KCNIP4: variants seen among roughly 807,000 people sequenced by gnomAD.
The protein encoded by KCNIP4 is potassium voltage-gated channel interacting protein 4.
KCNIP4 carries 12 observed loss-of-function variants against 34.0 expected under a neutral mutation model. That is an observed-to-expected ratio of 0.35 (90% CI 0.23 to 0.57). KCNIP4 has a LOEUF of 0.57. Among genes scored for constraint, KCNIP4 ranks in the 20% least tolerant of loss-of-function variants. The pLI is 0.83. For synonymous variants in KCNIP4, 124 were observed against 102.2 expected (o/e 1.21, Z -1.29); for missense variants, 238 against 311.7 (o/e 0.76, Z 1.78).
intron 1 of KCNIP4, among the ~76,000 whole-genome samples, chr4:20,889,953 A>G (rs1043334964): frequency 6.6e-6 from 1 of 152,132 alleles, no homozygotes; most frequent in Non-Finnish European, 1.5e-5. Context: ...TGTACATATT[A>G]TAAGCATTAT....
chr4:20,754,810 A>C (rs1754228489), intron 4 of KCNIP4, among the ~76,000 whole-genome samples: 1 of 152,150 alleles, frequency 6.6e-6, no homozygotes, highest in Admixed American at 6.5e-5. Flanking sequence ...TAAAGATATA[A>C]TTTTAATGTG....
intron 1 of KCNIP4, among the ~76,000 whole-genome samples, chr4:21,360,756 C>T (rs138061232): frequency 2.6e-5 from 4 of 152,098 alleles, no homozygotes; most frequent in African/African-American, 4.8e-5. Context: ...TTCATAAAAA[C>T]GTAGGTGAAA....
chr4:20,807,513 C>T (rs1484347594), intron 3 of KCNIP4, among the ~76,000 whole-genome samples: 15 of 151,942 alleles, frequency 9.9e-5, no homozygotes, highest in African/African-American at 4.8e-5. Flanking sequence ...AAGAATATGC[C>T]TCAGAGACAT....
chr4:21,752,452 C>T lies in KCNIP4; in HGVS notation c.61+196119G>A, dbSNP rs185609245. Among the ~76,000 whole-genome samples the T allele has an allele frequency of 3.4e-3, 513 of 152,174 alleles. 2 individuals carry two copies. Among genetic ancestry groups the T allele is most frequent in the Middle Eastern group, 6.8e-3 (2 of 294 alleles). On this transcript the variant is annotated intron_variant, in intron 1 of 8. Transcript: ENST00000382152. Reference sequence around the variant, plus strand: ...AGAGCTCACTTCACTACCAGGAGAACAGCATGGGGCACACTACCCCCGTAA... The same window carrying T: ...AGAGCTCACTTCACTACCAGGAGAATAGCATGGGGCACACTACCCCCGTAA...
intron 1 of KCNIP4, among the ~76,000 whole-genome samples, chr4:21,032,538 T>C (rs1412507162): frequency 2.0e-5 from 3 of 152,146 alleles, no homozygotes; most frequent in African/African-American, 7.2e-5. Context: ...TATATTTCTT[T>C]GTATAAACTT....
intron 1 of KCNIP4, among the ~76,000 whole-genome samples, chr4:21,352,522 T>TGCTA (rs1411594450): frequency 5.3e-5 from 8 of 152,220 alleles, no homozygotes; most frequent in South Asian, 4.1e-4. Context: ...CCTTGCTCAC[T>TGCTA]GCTAGCGCAG....
intron 1 of KCNIP4, among the ~76,000 whole-genome samples, chr4:21,784,943 C>T (rs1719801525): frequency 6.6e-6 from 1 of 152,172 alleles, no homozygotes; most frequent in African/African-American, 2.4e-5. Flanking sequence ...GTCTTTTAAG[C>T]TAAAATAGCT....
chr4:21,155,980 T>G (rs1291037381), intron 1 of KCNIP4, among the ~76,000 whole-genome samples: 1 of 152,178 alleles, frequency 6.6e-6, no homozygotes, highest in African/African-American at 2.4e-5. Flanking sequence ...GACACAACTT[T>G]ATACCACTTA....
intron 1 of KCNIP4, among the ~76,000 whole-genome samples, chr4:21,483,665 C>T (rs923971418): frequency 6.6e-6 from 1 of 152,072 alleles, no homozygotes; most frequent in East Asian, 1.9e-4. Context: ...TGGCACGCAC[C>T]TGTAATCCCA....
In KCNIP4 at chr4:21,796,143, A is replaced by G. The variant is rs116307372; in HGVS notation, c.61+152428T>C. Among the ~76,000 whole-genome samples the G allele has an allele frequency of 1.3e-3, 205 of 152,272 alleles. 1 individual carries two copies. The highest frequency in any genetic ancestry group is 4.6e-3 in the African/African-American group (193 of 41,544). ...TGGTTTAGCTCTTATATAACATCACATTACACTATTTAAAGCAAGTTTTGT... is the reference window on the plus strand; with the variant it reads ...TGGTTTAGCTCTTATATAACATCACGTTACACTATTTAAAGCAAGTTTTGT... On this transcript the variant is annotated intron_variant, in intron 1 of 8. Coordinates refer to ENST00000382152, the MANE Select transcript of KCNIP4 (RefSeq NM_025221.6).
chr4:21,562,312 G>A (rs193259652), intron 1 of KCNIP4, among the ~76,000 whole-genome samples: 24 of 152,070 alleles, frequency 1.6e-4, no homozygotes, highest in African/African-American at 4.3e-4. Flanking sequence ...CAGAATGAAT[G>A]CTTAGAGTTT....
rs74868935 is a variant in KCNIP4 at position 21,502,056 on chromosome 4, A to G, written c.61+446515T>C. On this transcript the variant is annotated intron_variant, in intron 1 of 8. Coordinates refer to ENST00000382152, the MANE Select transcript of KCNIP4 (RefSeq NM_025221.6). Reference sequence around the variant, plus strand: ...TCACCCAATGCAGGCAGCTTGCTAAAGGATATAACTCTAATTATGGTTTCG... The same window carrying G: ...TCACCCAATGCAGGCAGCTTGCTAAGGGATATAACTCTAATTATGGTTTCG... Among the ~76,000 whole-genome samples, 1,299 of 151,816 alleles carry G rather than the reference A, an allele frequency of 8.6e-3. 23 individuals are homozygous for G. The highest frequency in any genetic ancestry group is 0.029 in the African/African-American group (1,190 of 41,408).
intron 1 of KCNIP4, among the ~76,000 whole-genome samples, chr4:21,675,369 C>T (rs903651360): frequency 6.6e-6 from 1 of 151,922 alleles, no homozygotes; most frequent in Non-Finnish European, 1.5e-5. Flanking sequence ...TGAATAAGAC[C>T]TACTATTTGA....
chr4:21,683,834 G>A (rs868821481), intron 1 of KCNIP4, among the ~76,000 whole-genome samples: 42 of 152,058 alleles, frequency 2.8e-4, no homozygotes, highest in Admixed American at 2.6e-4. Context: ...AACTAACGCA[G>A]GAACAGAAAA....
chr4:21,550,913 C>T (rs536714574), intron 1 of KCNIP4, among the ~76,000 whole-genome samples: 1 of 152,074 alleles, frequency 6.6e-6, no homozygotes, highest in South Asian at 2.1e-4. Flanking sequence ...TCCTCTCTCC[C>T]CTTCCGTAGT....
At chr4:21,145,464 C>T (rs1560762117) in intron 1 of KCNIP4, among the ~76,000 whole-genome samples, 1 of 152,178 alleles carries the variant, frequency 6.6e-6, no homozygotes. Context: ...ATGGATGCAA[C>T]TGACCTATGA....
intron 1 of KCNIP4, among the ~76,000 whole-genome samples, chr4:20,883,631 A>C (rs10516368): frequency 0.93 from 141,384 of 152,098 alleles, 66,173 homozygotes; most frequent in South Asian, 0.99. Context: ...AGCGCAGAAA[A>C]CAATTTAAAT....
chr4:21,852,504 C>T (rs1325957308), intron 1 of KCNIP4: 1 of 152,156 alleles, frequency 6.6e-6, no homozygotes, highest in Non-Finnish European at 1.5e-5. Flanking sequence ...AGCAAAGCAA[C>T]AAAACAACCT....
intron 8 of KCNIP4, 126 bp from the exon 9 acceptor site, chr4:20,730,255 T>TAA (rs1206353446): frequency 5.0e-6 from 6 of 1,207,086 alleles, no homozygotes; most frequent in Non-Finnish European, 2.2e-6. Flanking sequence ...GCTCAAATAT[T>TAA]AAGTGTTTGC....
Sources: gnomAD v4.1 joint callset for allele counts (sites outside exome capture counted in the v4.1 genomes callset) on GRCh38, gnomAD v4.1.1 for gene constraint, MANE v1.5 for transcripts, NCBI Gene and HGNC (gene_info 2026-07-23, HGNC 2026-07-21) for gene names.